Variants in EPHA6 observed in about 807,000 individuals in gnomAD.
EPHA6 encodes ephrin type-A receptor 6.
Under a neutral mutation model 112.0 loss-of-function variants are expected in EPHA6, and 50 were observed. The ratio of observed to expected loss-of-function variants is 0.45; its 90% CI spans 0.36 to 0.56. The LOEUF is 0.56. EPHA6 is among the 20% of genes least tolerant of loss of function. The pLI, the probability that EPHA6 is intolerant of heterozygous loss-of-function variation, is 0.00. For missense variants in EPHA6, 1,280 were observed against 1,417.4 expected, an observed-to-expected ratio of 0.90 and a Z score of 1.56; for synonymous variants, 529 against 490.7, an observed-to-expected ratio of 1.08 and a Z score of -1.03.
At chr3:97,541,962 G>A (rs1176698756) in intron 11 of EPHA6, among the ~76,000 whole-genome samples, 1 of 151,698 alleles carries the variant, frequency 6.6e-6, no homozygotes, top group African/African-American at 2.4e-5. Flanking sequence ...TGCAAGCTGA[G>A]GAGCAAGGAG....
intron 3 of EPHA6, among the ~76,000 whole-genome samples, chr3:97,165,999 T>A (rs968155315): frequency 6.6e-6 from 1 of 152,146 alleles, no homozygotes; most frequent in African/African-American, 2.4e-5. Flanking sequence ...CCTATGAAGA[T>A]GTGATAAATT....
At chr3:96,864,555 C>A (rs2036197459) in intron 1 of EPHA6, among the ~76,000 whole-genome samples, 1 of 151,932 alleles carries the variant, frequency 6.6e-6, no homozygotes, top group African/African-American at 2.4e-5. Context: ...AAAGGGATTT[C>A]TTATAAAGGG....
chr3:96,833,014 G>T (rs1049256415), intron 1 of EPHA6, among the ~76,000 whole-genome samples: 5 of 151,550 alleles, frequency 3.3e-5, no homozygotes, highest in African/African-American at 1.2e-4. Flanking sequence ...AAGTAACTTG[G>T]CCCAGTGTTA....
intron 3 of EPHA6, among the ~76,000 whole-genome samples, chr3:97,004,021 C>T (rs1352351240): frequency 6.6e-6 from 1 of 152,008 alleles, no homozygotes; most frequent in Non-Finnish European, 1.5e-5. Context: ...ATAGATACCA[C>T]GTTTCTGTTA....
rs146900408 is a variant in EPHA6, at chr3:96,849,069, A to G, written c.386-17756A>G. On this transcript the variant is annotated intron_variant, in intron 1 of 17. Transcript: ENST00000389672. ...AGAGCTGTCTTCTGGAGCAGCCTTC[A>G]AAGCTGAAGTAAATAAGACATGAAG... Among the ~76,000 whole-genome samples the G allele has an allele frequency of 2.4e-4, 36 of 152,306 alleles. No individual in the cohort carries two copies. In the South Asian group the frequency reaches 2.7e-3, roughly 11 times the overall value.
At chr3:97,507,558 G>A (rs188940431) in intron 10 of EPHA6, among the ~76,000 whole-genome samples, 16 of 152,164 alleles carry the variant, frequency 1.1e-4, no homozygotes, top group East Asian at 1.9e-4. Context: ...CTGGCAGATC[G>A]TTTTGCCAGT....
chr3:96,879,083 G>A (rs1457549029), intron 2 of EPHA6, among the ~76,000 whole-genome samples: 1 of 151,910 alleles, frequency 6.6e-6, no homozygotes, highest in African/African-American at 2.4e-5. Flanking sequence ...CTATTATTAG[G>A]TTTAAGACTT....
intron 14 of EPHA6, among the ~76,000 whole-genome samples, chr3:97,650,565 A>G (rs2094100891): frequency 6.6e-6 from 1 of 152,028 alleles, no homozygotes. Context: ...AAATAGATCC[A>G]TCTGGCTCAG....
chr3:97,340,521 C>T (rs1261906297), intron 5 of EPHA6, among the ~76,000 whole-genome samples: 1 of 152,198 alleles, frequency 6.6e-6, no homozygotes, highest in African/African-American at 2.4e-5. Context: ...CACATTTTCA[C>T]ATAGCCAAGT....
chr3:97,002,133 T>C (rs2043690316), intron 3 of EPHA6, among the ~76,000 whole-genome samples: 2 of 151,906 alleles, frequency 1.3e-5, no homozygotes, highest in South Asian at 2.1e-4. Context: ...GGAGCCTATA[T>C]TCTTTATGTT....
chr3:97,227,064 A>G (rs2078379166), intron 4 of EPHA6, among the ~76,000 whole-genome samples: 1 of 152,214 alleles, frequency 6.6e-6, no homozygotes, highest in Admixed American at 6.5e-5. Flanking sequence ...ATTGTAAAAT[A>G]TCAGTACATT....
intron 5 of EPHA6, among the ~76,000 whole-genome samples, chr3:97,341,281 A>C (rs1458930526): frequency 1.3e-5 from 2 of 152,086 alleles, no homozygotes; most frequent in Non-Finnish European, 2.9e-5. Flanking sequence ...GAAGGGGCTA[A>C]AAAAAAGCAA....
Position 97,326,748 on chromosome 3 carries a change from T to C in EPHA6, c.1607-78402T>C, listed in dbSNP as rs78676958. On this transcript the variant is annotated intron_variant, in intron 5 of 17. Transcript: ENST00000389672. ...TCCCCACTGCAAAGAACAAAATGATTCTAAACAAAATACTGAACTGCTGGA... is the reference window on the plus strand; with the variant it reads ...TCCCCACTGCAAAGAACAAAATGATCCTAAACAAAATACTGAACTGCTGGA... 3.0e-4 allele frequency among the ~76,000 whole-genome samples: 46 copies of C among 152,150 alleles called. No homozygotes were observed. The East Asian group carries it at 8.5e-3, about 28-fold the overall frequency.
intron 2 of EPHA6, among the ~76,000 whole-genome samples, chr3:96,956,164 G>C (rs1377884291): frequency 6.6e-6 from 1 of 152,136 alleles, no homozygotes; most frequent in Non-Finnish European, 1.5e-5. Context: ...CTCTTCATAA[G>C]TATATTCCTA....
chr3:97,025,209 G>A (rs1055083142), intron 3 of EPHA6, among the ~76,000 whole-genome samples: 15 of 152,232 alleles, frequency 9.9e-5, no homozygotes, highest in African/African-American at 1.9e-4. Context: ...CTCTCACTTC[G>A]TAAGCACTCA....
intron 2 of EPHA6, among the ~76,000 whole-genome samples, chr3:96,869,624 C>T (rs907133058): frequency 1.3e-5 from 2 of 151,916 alleles, no homozygotes; most frequent in African/African-American, 4.8e-5. Context: ...TAGAATTTCA[C>T]TAAGTTGAGG....
intron 3 of EPHA6, among the ~76,000 whole-genome samples, chr3:97,140,500 T>G (rs183542975): frequency 6.6e-6 from 1 of 152,274 alleles, no homozygotes; most frequent in East Asian, 1.9e-4. Flanking sequence ...GGAGAAACCT[T>G]TTAAGCCAGA....
chr3:97,185,764 G>A (rs1329635190), intron 3 of EPHA6, among the ~76,000 whole-genome samples: 4 of 152,156 alleles, frequency 2.6e-5, no homozygotes, highest in Middle Eastern at 3.4e-3. Flanking sequence ...ACATGCACAC[G>A]TATGTTTATT....
At chr3:97,050,651 A>G (rs1446022947) in intron 3 of EPHA6, among the ~76,000 whole-genome samples, 1 of 152,178 alleles carries the variant, frequency 6.6e-6, no homozygotes, top group African/African-American at 2.4e-5. Context: ...GTTATTCTCC[A>G]ATTCTAAAAA....
Sources: gnomAD v4.1 joint callset for allele counts (sites outside exome capture counted in the v4.1 genomes callset) on GRCh38, gnomAD v4.1.1 for gene constraint, MANE v1.5 for transcripts, NCBI Gene and HGNC (gene_info 2026-07-23, HGNC 2026-07-21) for gene names.